PIK3CD: variants seen among roughly 807,000 people sequenced by gnomAD.
PIK3CD encodes the protein phosphatidylinositol 4,5-bisphosphate 3-kinase catalytic subunit delta isoform.
Under a neutral mutation model 122.9 loss-of-function variants are expected in PIK3CD, and 20 were observed. The observed-to-expected ratio is 0.16, with a 90% CI of 0.11 to 0.24. The LOEUF is 0.24. Ranked by LOEUF, PIK3CD falls within the 10% of genes least tolerant of loss-of-function variation. The probability of loss-of-function intolerance (pLI) is 1.00; values close to 1 mark genes in which losing one functional copy is unlikely to be tolerated. For missense variants in PIK3CD, 787 were observed against 1,406.3 expected (o/e 0.56, Z 7.04); for synonymous variants, 596 against 593.4 (o/e 1.00, Z -0.06).
Position 9,700,764 on chromosome 1 carries a change from T to TG in PIK3CD, c.-33+9197dup, listed in dbSNP as rs1646597331. On this transcript the variant is annotated intron_variant, in intron 2 of 23. Transcript: ENST00000377346. The surrounding 1 kb of genome is among the most constrained non-coding windows in gnomAD (Gnocchi z 5.1). ...CAGCTGAGATTCATTTGGTCTAAAA[T>TG]GGGGCTCCGGCTGTCTTATCCCACC... Among the ~76,000 whole-genome samples the TG allele has an allele frequency of 6.6e-6, 1 of 152,116 alleles. No individual in the cohort carries two copies. The highest frequency in any genetic ancestry group is 6.6e-5 in the Admixed American group (1 of 15,262).
intron 1 of PIK3CD, among the ~76,000 whole-genome samples, chr1:9,664,293 C>T (rs1401122907): frequency 6.6e-6 from 1 of 152,162 alleles, no homozygotes; most frequent in African/African-American, 2.4e-5. Context: ...AGGTGATCCA[C>T]CTGCCTTGGC....
At chr1:9,699,250 C>T (rs1003174811) in intron 2 of PIK3CD, among the ~76,000 whole-genome samples, 2 of 152,130 alleles carry the variant, frequency 1.3e-5, no homozygotes, top group South Asian at 2.1e-4. Context: ...GGGATGAGTT[C>T]GGGCATTTCG....
intron 1 of PIK3CD, chr1:9,653,468 C>A: frequency 4.0e-6 from 1 of 250,118 alleles, no homozygotes; most frequent in Non-Finnish European, 7.9e-6. Context: ...GACGCCAGCG[C>A]GTTTAATCAT....
chr1:9,662,675 T>A (rs1363886132), intron 1 of PIK3CD: 1 of 152,128 alleles, frequency 6.6e-6, no homozygotes, highest in Non-Finnish European at 1.5e-5. Flanking sequence ...GAAGAGCGGT[T>A]CCATTACTTT....
intron 1 of PIK3CD, among the ~76,000 whole-genome samples, chr1:9,655,085 A>T (rs1644807885): frequency 6.6e-6 from 1 of 151,964 alleles, no homozygotes; most frequent in Non-Finnish European, 1.5e-5. Context: ...AAAAAAGAAA[A>T]AAAAGCTCTT....
chr1:9,677,370 G>A (rs1399521489), intron 1 of PIK3CD, among the ~76,000 whole-genome samples: 2 of 152,148 alleles, frequency 1.3e-5, no homozygotes, highest in Non-Finnish European at 2.9e-5. Flanking sequence ...AGCAGACCAG[G>A]TGCGGTGGCT....
rs762320758 is a variant in PIK3CD at position 9,720,011 on chromosome 1, G to A, written c.1333G>A (p.Val445Ile). The A allele has an allele frequency of 5.6e-6, 9 of 1,613,570 alleles. No homozygotes were observed. The highest frequency in any genetic ancestry group is 1.1e-5 in the South Asian group (1 of 91,082). ...GERCLYMWPS[V>I]PDEKGELLNP... ...ACGCTGCCTCTACATGTGGCCCTCC[G>A]TCCCAGGTCGGCCCAGGCCCAGGAG... Residue 445 changes from valine to isoleucine, a missense_variant, in exon 10 of 24, where the codon GTC (valine) becomes ATC (isoleucine). Physicochemically the swap from Val to Ile is conservative, Grantham distance 29 (BLOSUM62 3). Coordinates refer to ENST00000377346, the MANE Select transcript of PIK3CD (RefSeq NM_005026.5). This position sits in a 1 kb window ranked among gnomAD's most constrained non-coding sequence, Gnocchi z 9.0.
At chr1:9,696,748 A>G (rs1456737076) in intron 2 of PIK3CD, among the ~76,000 whole-genome samples, 1 of 151,828 alleles carries the variant, frequency 6.6e-6, no homozygotes, top group African/African-American at 2.4e-5. Flanking sequence ...AGAGAGAAGA[A>G]AAAAATAAGT....
At chr1:9,709,148 G>C (rs1007321612) in intron 2 of PIK3CD, among the ~76,000 whole-genome samples, 1 of 152,036 alleles carries the variant, frequency 6.6e-6, no homozygotes, top group African/African-American at 2.4e-5. Flanking sequence ...TCCTGTGTCA[G>C]CCTCCTGGGT....
intron 1 of PIK3CD, among the ~76,000 whole-genome samples, chr1:9,656,778 A>G (rs1644868133): frequency 6.6e-6 from 1 of 152,066 alleles, no homozygotes. Context: ...CCCCGTCTCT[A>G]CTAAAAATTC....
At chr1:9,632,931 G>A in the PIK3CD span, among the ~76,000 whole-genome samples, 1 of 148,312 alleles carries the variant, frequency 6.7e-6, no homozygotes, top group Non-Finnish European at 1.5e-5. Context: ...GTGCCATCTC[G>A]GCTCACTGCA....
Position 9,717,279 on chromosome 1 carries a change from C to A in PIK3CD, c.930+171C>A, listed in dbSNP as rs1299269703. Among the ~76,000 whole-genome samples the A allele has an allele frequency of 6.6e-6, 1 of 152,212 alleles. No homozygotes were observed. The highest frequency in any genetic ancestry group is 2.1e-4 in the South Asian group (1 of 4,826). ...CGTCCTGGGCTGGGGGCCTGTGGGA[C>A]TGCCGTGGGTGGGGGGCAGCCCCAT... On this transcript the variant is annotated intron_variant, in intron 7 of 23. Transcript: ENST00000377346. This position sits in a 1 kb window ranked among gnomAD's most constrained non-coding sequence, Gnocchi z 5.4.
chr1:9,682,082 C>A (rs1207727554), intron 1 of PIK3CD, among the ~76,000 whole-genome samples: 1 of 152,066 alleles, frequency 6.6e-6, no homozygotes, highest in Non-Finnish European at 1.5e-5. Flanking sequence ...ACCACCACGC[C>A]TGGCTAATTT....
rs1343691115 is a variant in PIK3CD, at chr1:9,718,966, A to G, written c.1242+51A>G. On this transcript the variant is annotated intron_variant, in intron 9 of 23. Transcript: ENST00000377346. This position sits in a 1 kb window ranked among gnomAD's most constrained non-coding sequence, Gnocchi z 7.2. ...GGTGCAGACCCCGGAGAGCCAGTAC[A>G]GCCCCTTGCTGGGCCACTCACCACT... 4 of 1,541,882 alleles carry G rather than the reference A, an allele frequency of 2.6e-6. No individual in the cohort carries two copies. Among genetic ancestry groups the G allele is most frequent in the Non-Finnish European group, 3.6e-6 (4 of 1,123,630 alleles).
chr1:9,720,827 A>AT lies in PIK3CD; in HGVS notation c.1608dup (p.Glu537Ter). ...AAGGACCTGGTGTGGAAGCTGCGGC[A>AT]TGAAGTCCAGGAGCACTTCCCGGAG... On this transcript the variant is annotated frameshift_variant, in exon 13 of 24. Coordinates refer to ENST00000377346, the MANE Select transcript of PIK3CD (RefSeq NM_005026.5). LOFTEE classifies it high-confidence loss of function. This position sits in a 1 kb window ranked among gnomAD's most constrained non-coding sequence, Gnocchi z 9.0. The AT allele has an allele frequency of 6.2e-7, 1 of 1,613,042 alleles. No individual in the cohort carries two copies. The highest frequency in any genetic ancestry group is 8.5e-7 in the Non-Finnish European group (1 of 1,179,730).
chr1:9,696,475 G>T (rs1348544679), intron 2 of PIK3CD, among the ~76,000 whole-genome samples: 1 of 151,476 alleles, frequency 6.6e-6, no homozygotes, highest in Non-Finnish European at 1.5e-5. Context: ...AAATTGGCTA[G>T]GTATGGTGGC....
chr1:9,710,632 C>CAGAGAGAGAGAGAG lies in PIK3CD; in HGVS notation c.141+46_141+59dup. On this transcript the variant is annotated intron_variant, in intron 3 of 23. Transcript: ENST00000377346. The surrounding 1 kb of genome is among the most constrained non-coding windows in gnomAD (Gnocchi z 4.7). ...CATCCGGTCCTCAGACCTTGGTGCT[C>CAGAGAGAGAGAGAG]AGAGAGAGAGAGAGAGAGAGAGACA... 6.5e-7 allele frequency: 1 copy of CAGAGAGAGAGAGAG among 1,526,902 alleles called. No individual in the cohort carries two copies. The highest frequency in any genetic ancestry group is 1.4e-5 in the African/African-American group (1 of 71,926). The allele number at this position is 1,526,902 out of a possible 1,614,324, so 94.6% of individuals were successfully genotyped here. A position where few individuals can be genotyped will look rare whatever the true frequency, so the allele number is the denominator to read the frequency against.
chr1:9,628,912 T>A, the PIK3CD span, among the ~76,000 whole-genome samples: 1 of 151,650 alleles, frequency 6.6e-6, no homozygotes, highest in Non-Finnish European at 1.5e-5. Context: ...AAGGAAAAGG[T>A]TGGGCGGTGG....
At chr1:9,721,885 G>A (rs746961903) in intron 16 of PIK3CD, 25 bp downstream of exon 16, 15 of 1,611,766 alleles carry the variant, frequency 9.3e-6, no homozygotes, top group East Asian at 2.2e-5. Context: ...CCTGGGGGGC[G>A]GGCAGGGGGC....
Sources: allele counts gnomAD v4.1 joint callset (sites outside exome capture counted in the v4.1 genomes callset), GRCh38; gene constraint gnomAD v4.1.1; non-coding constraint Gnocchi (gnomAD v3.1); transcripts MANE v1.5; gene names NCBI Gene and HGNC (gene_info 2026-07-23, HGNC 2026-07-21).